Variants in STIM2 observed in about 807,000 individuals in gnomAD.
STIM2 encodes the protein stromal interaction molecule 2.
In STIM2, 31 loss-of-function variants were observed where a neutral mutation model predicts 85.8. The observed-to-expected ratio is 0.36, with a 90% CI of 0.27 to 0.49. STIM2 has a LOEUF of 0.49. STIM2 is among the 20% of genes least tolerant of loss of function. The pLI, the probability that STIM2 is intolerant of heterozygous loss-of-function variation, is 0.98. For synonymous variants in STIM2, 356 were observed against 331.1 expected (o/e 1.08, Z -0.82); for missense variants, 841 against 927.6 (o/e 0.91, Z 1.21).
chr4:26,998,943 A>G (rs1430739890), intron 4 of STIM2, among the ~76,000 whole-genome samples: 2 of 151,762 alleles, frequency 1.3e-5, no homozygotes, highest in Non-Finnish European at 2.9e-5. Context: ...AACTTTATAA[A>G]TTTCTAAATC....
chr4:26,873,012 G>T (rs937790009), intron 1 of STIM2, among the ~76,000 whole-genome samples: 1 of 152,176 alleles, frequency 6.6e-6, no homozygotes, highest in African/African-American at 2.4e-5. Flanking sequence ...CATCTTGAGG[G>T]AGGGGGAATG....
chr4:26,870,297 CA>C (rs36094333), intron 1 of STIM2, among the ~76,000 whole-genome samples: 9,214 of 118,210 alleles, frequency 0.078, 739 homozygotes, highest in African/African-American at 0.22. Context: ...CTTAACACAC[CA>C]AAAAAAAAAA....
chr4:27,021,735 A>G (rs1193890967), intron 11 of STIM2: 3 of 422,492 alleles, frequency 7.1e-6, no homozygotes, highest in African/African-American at 2.0e-5. Context: ...CGTTGCAATC[A>G]TTTAGTTGAG....
intron 8 of STIM2, chr4:27,008,056 G>T: frequency 2.8e-6 from 2 of 708,330 alleles, no homozygotes; most frequent in South Asian, 3.1e-5. Context: ...TGTGGAATGA[G>T]AATAAGTCTT....
intron 1 of STIM2, among the ~76,000 whole-genome samples, chr4:26,877,283 A>G (rs1722844638): frequency 6.6e-6 from 1 of 152,048 alleles, no homozygotes; most frequent in African/African-American, 2.4e-5. Context: ...ATCTTTGATA[A>G]ATTCTTATTT....
intron 10 of STIM2, among the ~76,000 whole-genome samples, chr4:27,011,830 G>C (rs1728568412): frequency 6.6e-6 from 1 of 152,028 alleles, no homozygotes; most frequent in Non-Finnish European, 1.5e-5. Context: ...CTATTTTCTG[G>C]TTATTTGAGA....
At chr4:27,016,230 A>G (rs1490625078) in intron 10 of STIM2, among the ~76,000 whole-genome samples, 1 of 152,148 alleles carries the variant, frequency 6.6e-6, no homozygotes, top group Non-Finnish European at 1.5e-5. Context: ...TTCATGATGT[A>G]AAAAAATCCC....
rs752728654 is a variant in STIM2, at chr4:26,861,140, T to G, written c.-79T>G. On this transcript the variant is annotated 5_prime_UTR_variant, in exon 1 of 12. Transcript: ENST00000467087. ...GGGCGCCGCTGCGCTTTCACCCGGC[T>G]TCTCCTCGGCGCCTTCATCCCGCCT... 19 of 1,275,588 alleles carry G rather than the reference T, an allele frequency of 1.5e-5. No individual in the cohort carries two copies. Among genetic ancestry groups the G allele is most frequent in the Non-Finnish European group, 1.9e-5 (19 of 1,010,880 alleles). The allele number at this position is 1,275,588 out of a possible 1,614,324, so 79.0% of individuals were successfully genotyped here. A position where few individuals can be genotyped will look rare whatever the true frequency, so the allele number is the denominator to read the frequency against.
At chr4:26,894,750 T>C (rs1344238776) in intron 1 of STIM2, among the ~76,000 whole-genome samples, 1 of 152,240 alleles carries the variant, frequency 6.6e-6, no homozygotes, top group African/African-American at 2.4e-5. Context: ...TTATTTGTTC[T>C]TTTTCAAGAC....
intron 3 of STIM2, among the ~76,000 whole-genome samples, chr4:26,962,914 T>C (rs556254299): frequency 1.5e-3 from 221 of 152,312 alleles, no homozygotes; most frequent in African/African-American, 5.2e-3. Context: ...AACCATGAGG[T>C]AATCTTTCCA....
At chr4:26,865,265 A>G (rs1463400411) in intron 1 of STIM2, among the ~76,000 whole-genome samples, 2 of 152,136 alleles carry the variant, frequency 1.3e-5, no homozygotes, top group Non-Finnish European at 2.9e-5. Flanking sequence ...GATTCTGAAC[A>G]TTTAAGAATT....
chr4:26,861,479 A>C, intron 1 of STIM2, 110 bp downstream of exon 1: 1 of 1,230,522 alleles, frequency 8.1e-7, no homozygotes, highest in South Asian at 3.3e-5. Context: ...GGCTCCGGCC[A>C]GGGCGCGATG....
intron 10 of STIM2, among the ~76,000 whole-genome samples, chr4:27,012,433 G>T (rs1333188048): frequency 7.4e-6 from 1 of 134,314 alleles, no homozygotes. Flanking sequence ...CTCTGTGCAG[G>T]TCTTGCTTTT....
At chr4:26,889,508 G>T (rs1560196078) in intron 1 of STIM2, among the ~76,000 whole-genome samples, 3 of 152,204 alleles carry the variant, frequency 2.0e-5, no homozygotes, top group African/African-American at 7.2e-5. Flanking sequence ...TCCATATCTA[G>T]AGTATCTGTT....
chr4:26,861,434 A>G, intron 1 of STIM2, 65 bp downstream of exon 1: 1 of 1,246,588 alleles, frequency 8.0e-7, no homozygotes, highest in Admixed American at 4.3e-5. Flanking sequence ...ACCCGTGCAG[A>G]GGTCAGCATC....
chr4:26,927,952 A>G lies in STIM2; in HGVS notation c.282+8318A>G, dbSNP rs1004451462. Among the ~76,000 whole-genome samples, 5 of 150,890 alleles carry G rather than the reference A, an allele frequency of 3.3e-5. No homozygotes were observed. In the South Asian group the frequency reaches 1.0e-3, roughly 32 times the overall value. Reference sequence around the variant, plus strand: ...TATAGCAGGGTACTATAGACTGGGTAATCTATAATGAACAGAAATTTATTG... The same window carrying G: ...TATAGCAGGGTACTATAGACTGGGTGATCTATAATGAACAGAAATTTATTG... On this transcript the variant is annotated intron_variant, in intron 2 of 11. Coordinates refer to ENST00000467087, the MANE Select transcript of STIM2 (RefSeq NM_020860.4).
At chr4:26,891,228 T>C (rs1415679551) in intron 1 of STIM2, among the ~76,000 whole-genome samples, 1 of 152,232 alleles carries the variant, frequency 6.6e-6, no homozygotes, top group Non-Finnish European at 1.5e-5. Context: ...TAAGTAGTTA[T>C]GCTGAGAGAT....
At chr4:26,864,679 A>C (rs556519665) in intron 1 of STIM2, among the ~76,000 whole-genome samples, 2 of 152,150 alleles carry the variant, frequency 1.3e-5, no homozygotes, top group Admixed American at 6.5e-5. Context: ...CTGATTTGGC[A>C]TGTTATTAGA....
chr4:26,964,404 T>C (rs1726628944), intron 3 of STIM2, among the ~76,000 whole-genome samples: 1 of 152,182 alleles, frequency 6.6e-6, no homozygotes, highest in Admixed American at 6.6e-5. Context: ...CTACTATAGC[T>C]TCTTGCTTTA....
Sources: allele counts gnomAD v4.1 joint callset (sites outside exome capture counted in the v4.1 genomes callset), GRCh38; gene constraint gnomAD v4.1.1; transcripts MANE v1.5; gene names NCBI Gene and HGNC (gene_info 2026-07-23, HGNC 2026-07-21).